Variants in PHACTR1 observed in about 807,000 individuals in gnomAD.
PHACTR1 encodes the protein phosphatase and actin regulator 1.
A neutral mutation model predicts 69.2 loss-of-function variants in PHACTR1; 16 were observed. The ratio of observed to expected loss-of-function variants is 0.23; its 90% CI spans 0.16 to 0.35. The LOEUF (loss-of-function observed/expected upper bound fraction) is 0.35, where lower values mean the gene tolerates loss of function less well. PHACTR1 is among the 10% of genes least tolerant of loss of function. The pLI, the probability that PHACTR1 is intolerant of heterozygous loss-of-function variation, is 1.00. For synonymous variants in PHACTR1, 312 were observed against 284.5 expected, an observed-to-expected ratio of 1.10 and a Z score of -0.97; for missense variants, 510 against 734.7, an observed-to-expected ratio of 0.69 and a Z score of 3.54.
At chr6:13,073,017 T>A (rs1809775259) in intron 5 of PHACTR1, among the ~76,000 whole-genome samples, 1 of 152,082 alleles carries the variant, frequency 6.6e-6, no homozygotes, top group African/African-American at 2.4e-5. Context: ...TTAGACTGAT[T>A]TCGTCTTTTG....
In PHACTR1 at chr6:13,251,004, C is replaced by A. The variant is rs957855240; in HGVS notation, c.1391+20811C>A. Among the ~76,000 whole-genome samples the A allele has an allele frequency of 8.4e-5, 11 of 130,782 alleles. No individual in the cohort carries two copies. In the East Asian group the frequency reaches 2.6e-3, roughly 31 times the overall value. The allele number at this position is 130,782 out of a possible 152,430, so 85.8% of individuals were successfully genotyped here. On this transcript the variant is annotated intron_variant, in intron 10 of 14. Transcript: ENST00000332995. Reference sequence around the variant, plus strand: ...ATGAAGAAAACATATCCATTTTACACACACACACACACACAATCAATCTTC... The same window carrying A: ...ATGAAGAAAACATATCCATTTTACAAACACACACACACACAATCAATCTTC...
chr6:13,190,108 C>T (rs758972591), intron 7 of PHACTR1, among the ~76,000 whole-genome samples: 4 of 150,434 alleles, frequency 2.7e-5, no homozygotes, highest in Non-Finnish European at 5.9e-5. Context: ...CCTGCAACCT[C>T]CACCTCCTGG....
At chr6:12,747,901 G>A (rs1204546264) in intron 3 of PHACTR1, among the ~76,000 whole-genome samples, 1 of 152,148 alleles carries the variant, frequency 6.6e-6, no homozygotes, top group East Asian at 1.9e-4. Context: ...GCCAGCATAA[G>A]CAGTTTCAGA....
chr6:12,852,565 C>A (rs776915805), intron 4 of PHACTR1, among the ~76,000 whole-genome samples: 1 of 152,098 alleles, frequency 6.6e-6, no homozygotes, highest in Non-Finnish European at 1.5e-5. Flanking sequence ...ATGATTTCTG[C>A]AATCTCTTTA....
At chr6:12,765,006 T>C (rs1561861314) in intron 4 of PHACTR1, among the ~76,000 whole-genome samples, 1 of 152,168 alleles carries the variant, frequency 6.6e-6, no homozygotes, top group Non-Finnish European at 1.5e-5. Flanking sequence ...TTCTGAATGG[T>C]AGCTGGCTTA....
At chr6:13,033,156 C>G (rs1008921601) in intron 4 of PHACTR1, among the ~76,000 whole-genome samples, 3 of 152,080 alleles carry the variant, frequency 2.0e-5, no homozygotes, top group African/African-American at 7.2e-5. Context: ...GCCAGACCCC[C>G]CAAAATTAGG....
At chr6:12,875,805 A>G (rs1450425267) in intron 4 of PHACTR1, among the ~76,000 whole-genome samples, 1 of 152,184 alleles carries the variant, frequency 6.6e-6, no homozygotes, top group Non-Finnish European at 1.5e-5. Flanking sequence ...GAGGGACTGC[A>G]GAAACTAAAT....
chr6:13,103,743 G>T (rs1392117605), intron 5 of PHACTR1, among the ~76,000 whole-genome samples: 3 of 152,160 alleles, frequency 2.0e-5, no homozygotes, highest in Non-Finnish European at 4.4e-5. Context: ...TCAAGAGCAG[G>T]ATCTTAACAT....
intron 4 of PHACTR1, among the ~76,000 whole-genome samples, chr6:12,795,651 T>G (rs544162270): frequency 5.3e-5 from 8 of 151,976 alleles, no homozygotes; most frequent in African/African-American, 1.9e-4. Flanking sequence ...ATAGAATCAG[T>G]GAATTTTTCA....
At chr6:13,080,446 T>C (rs755067072) in intron 5 of PHACTR1, among the ~76,000 whole-genome samples, 2 of 152,320 alleles carry the variant, frequency 1.3e-5, no homozygotes, top group Non-Finnish European at 1.5e-5. Context: ...AGACTTTTCA[T>C]TGATTAGTTC....
chr6:12,840,623 T>A (rs987550739), intron 4 of PHACTR1, among the ~76,000 whole-genome samples: 2 of 152,170 alleles, frequency 1.3e-5, no homozygotes, highest in Admixed American at 6.5e-5. Flanking sequence ...TGGGACCTTA[T>A]GATGCAGCAC....
intron 6 of PHACTR1, among the ~76,000 whole-genome samples, chr6:13,174,384 A>C (rs943068779): frequency 4.6e-5 from 7 of 152,274 alleles, no homozygotes; most frequent in Admixed American, 4.6e-4. Context: ...AGTAAATTAA[A>C]ATGTGTTTGA....
At position 13,273,501 on chromosome 6, in the gene PHACTR1, C is replaced by T. The variant is rs953705846; in HGVS notation, c.1447+586C>T. 4 of 152,518 alleles carry T rather than the reference C, an allele frequency of 2.6e-5. No homozygotes were observed. In the East Asian group the frequency reaches 5.8e-4, roughly 22 times the overall value. The allele number at this position is 152,518 out of a possible 1,614,324, so 9.4% of individuals were successfully genotyped here. ...CTCATTCGAGGAAAACTGCCTTTCA[C>T]CATTGCTGCAGACAGAAAAAAATAA... On this transcript the variant is annotated intron_variant, in intron 11 of 14. Coordinates refer to ENST00000332995, the MANE Select transcript of PHACTR1 (RefSeq NM_030948.6).
intron 10 of PHACTR1, among the ~76,000 whole-genome samples, chr6:13,243,029 AT>A (rs1773073700): frequency 6.6e-6 from 1 of 152,168 alleles, no homozygotes; most frequent in Non-Finnish European, 1.5e-5. Context: ...GAAGGCGCAG[AT>A]CTCTCTGTAG....
chr6:12,852,091 T>C (rs931463353), intron 4 of PHACTR1, among the ~76,000 whole-genome samples: 1 of 152,170 alleles, frequency 6.6e-6, no homozygotes, highest in South Asian at 2.1e-4. Context: ...CTCCTTGGCC[T>C]CCCAAAGTGC....
chr6:12,901,159 G>T (rs1185596425), intron 4 of PHACTR1, among the ~76,000 whole-genome samples: 2 of 152,182 alleles, frequency 1.3e-5, no homozygotes, highest in South Asian at 2.1e-4. Context: ...ACCATGGGCT[G>T]ATGGAGGCCC....
intron 4 of PHACTR1, among the ~76,000 whole-genome samples, chr6:12,910,527 G>A (rs955794528): frequency 6.6e-6 from 1 of 152,052 alleles, no homozygotes; most frequent in African/African-American, 2.4e-5. Flanking sequence ...AAACAAACAG[G>A]CTTTACCAAG....
intron 4 of PHACTR1, among the ~76,000 whole-genome samples, chr6:13,049,240 C>A (rs1288914151): frequency 6.8e-6 from 1 of 146,886 alleles, no homozygotes; most frequent in African/African-American, 2.7e-5. Context: ...CGTTTCGGTT[C>A]TCATGGCACT....
chr6:13,026,867 T>C (rs750803656), intron 4 of PHACTR1, among the ~76,000 whole-genome samples: 4 of 151,890 alleles, frequency 2.6e-5, no homozygotes, highest in Non-Finnish European at 4.4e-5. Flanking sequence ...TGAAGGCTGC[T>C]CTAGACACCA....
Sources: allele counts gnomAD v4.1 joint callset (sites outside exome capture counted in the v4.1 genomes callset), GRCh38; gene constraint gnomAD v4.1.1; transcripts MANE v1.5; gene names NCBI Gene and HGNC (gene_info 2026-07-23, HGNC 2026-07-21).